The following SERAC1 variants were observed in gnomAD, a reference collection of about 807,000 sequenced individuals.
SERAC1 encodes the protein protein SERAC1.
A neutral mutation model predicts 85.7 loss-of-function variants in SERAC1; 36 were observed. The ratio of observed to expected loss-of-function variants is 0.42; its 90% CI spans 0.32 to 0.55. The LOEUF is 0.55. SERAC1 is among the 20% of genes least tolerant of loss of function. The pLI is 0.11. For synonymous variants in SERAC1, 242 were observed against 265.3 expected (o/e 0.91, Z 0.85); for missense variants, 629 against 796.2 (o/e 0.79, Z 2.53).
At chr6:158,138,166 C>T (rs902888214) in intron 8 of SERAC1, among the ~76,000 whole-genome samples, 1 of 152,060 alleles carries the variant, frequency 6.6e-6, no homozygotes, top group Non-Finnish European at 1.5e-5. Context: ...GTCACAGTGG[C>T]TCACGCCTGT....
At chr6:158,155,459 T>C in intron 2 of SERAC1, 108 bp from the exon 3 acceptor site, 1 of 628,782 alleles carries the variant, frequency 1.6e-6, no homozygotes, top group South Asian at 2.1e-5. Flanking sequence ...AGATAAGAAG[T>C]TATTATTTTT....
Position 158,119,219 on chromosome 6 carries a change from CTTTGGTAA to C in SERAC1, c.1167-57_1167-50del. On this transcript the variant is annotated intron_variant, in intron 11 of 16. Coordinates refer to ENST00000647468, the MANE Select transcript of SERAC1 (RefSeq NM_032861.4). The surrounding 1 kb of genome is among the most constrained non-coding windows in gnomAD (Gnocchi z 4.5). The stretch of plus-strand genomic sequence containing the variant: ...AAGAAGCAGAATAAATGCATTACTG[CTTTGGTAA>C]GAATCTACACAGCATTCTCTGTGGA... 6.4e-7 allele frequency: 1 copy of C among 1,557,972 alleles called. No homozygotes were observed. The highest frequency in any genetic ancestry group is 8.7e-7 in the Non-Finnish European group (1 of 1,148,362).
chr6:158,137,143 C>T (rs1784813291), intron 8 of SERAC1, among the ~76,000 whole-genome samples: 1 of 148,978 alleles, frequency 6.7e-6, no homozygotes, highest in African/African-American at 2.5e-5. Flanking sequence ...GGCAACACAG[C>T]GAGGCTGTGC....
chr6:158,114,616 G>A (rs1306884516), intron 15 of SERAC1, 173 bp downstream of exon 15: 3 of 1,305,216 alleles, frequency 2.3e-6, no homozygotes, highest in African/African-American at 3.1e-5. Flanking sequence ...AGAACAAAAT[G>A]AGAAATTATC....
In SERAC1 at chr6:158,119,286, G is replaced by C. The variant is rs1454862821; in HGVS notation, c.1167-116C>G. On this transcript the variant is annotated intron_variant, in intron 11 of 16. Transcript: ENST00000647468. The surrounding 1 kb of genome is among the most constrained non-coding windows in gnomAD (Gnocchi z 4.5). ...TAGCAGGCTTATGTGACATAAAACT[G>C]AATTAAAGCAAGCTCTATAAGCACA... 8.1e-7 allele frequency: 1 copy of C among 1,239,098 alleles called. No individual in the cohort carries two copies. 76.8% of individuals were successfully genotyped at this position (1,239,098 alleles called of 1,614,324 possible). A position where few individuals can be genotyped will look rare whatever the true frequency, so the allele number is the denominator to read the frequency against.
In SERAC1 at chr6:158,114,977, C is replaced by G. The variant is rs1422307723; in HGVS notation, c.1502-6G>C. On this transcript the variant is annotated splice_polypyrimidine_tract_variant and splice_region_variant and intron_variant, in intron 14 of 16. Coordinates refer to ENST00000647468, the MANE Select transcript of SERAC1 (RefSeq NM_032861.4). ...CATCTTTTTGACAAGAAGACCTAGC[C>G]ACAGACAAGGGAAAAAAACAATGCA... 1 of 1,603,466 alleles carries G rather than the reference C, an allele frequency of 6.2e-7. No homozygotes were observed. Among genetic ancestry groups the G allele is most frequent in the African/African-American group, 1.3e-5 (1 of 74,240 alleles).
chr6:158,153,883 C>A (rs1011782266), intron 3 of SERAC1, among the ~76,000 whole-genome samples: 12 of 152,106 alleles, frequency 7.9e-5, no homozygotes, highest in East Asian at 7.7e-4. Context: ...GTAATCCCAG[C>A]ACTTTGGAAG....
rs1188096982 is a variant in SERAC1, at chr6:158,120,697, A to C, written c.1016-122T>G. 4 of 1,090,818 alleles carry C rather than the reference A, an allele frequency of 3.7e-6. No individual in the cohort carries two copies. The highest frequency in any genetic ancestry group is 5.1e-6 in the Non-Finnish European group (4 of 779,120). The allele number at this position is 1,090,818 out of a possible 1,614,324, so 67.6% of individuals were successfully genotyped here. On this transcript the variant is annotated intron_variant, in intron 10 of 16. Transcript: ENST00000647468. This position sits in a 1 kb window ranked among gnomAD's most constrained non-coding sequence, Gnocchi z 4.4. Reference sequence around the variant, plus strand: ...AACCTTGCGTGTCTGTCCTTGGCGGAGAAGTCCGACTATTCCAACCCCATT... The same window carrying C: ...AACCTTGCGTGTCTGTCCTTGGCGGCGAAGTCCGACTATTCCAACCCCATT...
At chr6:158,165,737 G>A (rs763708129) in intron 1 of SERAC1, among the ~76,000 whole-genome samples, 3 of 152,096 alleles carry the variant, frequency 2.0e-5, no homozygotes, top group Non-Finnish European at 4.4e-5. Context: ...TTGATTCCTT[G>A]TTTTCCCCTT....
rs764436778 is a variant in SERAC1, at chr6:158,150,491, T to C, written c.227A>G (p.Tyr76Cys). 2 of 1,573,686 alleles carry C rather than the reference T, an allele frequency of 1.3e-6. No homozygotes were observed. Among genetic ancestry groups the C allele is most frequent in the East Asian group, 2.2e-5 (1 of 44,544 alleles). The change falls in exon 4 of 17, where the codon TAT becomes TGT. Residue 76 changes from tyrosine (Y) to cysteine (C), a missense_variant. Coordinates refer to ENST00000647468, the MANE Select transcript of SERAC1 (RefSeq NM_032861.4). ...VEREKMKSYI[Y>C]VHTVSLDKGE... The stretch of plus-strand genomic sequence containing the variant: ...TTTGTCTAAAGAAACTGTGTGCACA[T>C]ATATATATGACTTCATTTTTTCTCG...
At chr6:158,126,559 C>T (rs1400458711) in intron 10 of SERAC1, among the ~76,000 whole-genome samples, 7 of 152,074 alleles carry the variant, frequency 4.6e-5, no homozygotes, top group Admixed American at 4.6e-4. Context: ...AAAGTAACTG[C>T]AGAGGGTGTG....
chr6:158,126,148 G>T (rs1173203192), intron 10 of SERAC1, among the ~76,000 whole-genome samples: 1 of 152,108 alleles, frequency 6.6e-6, no homozygotes, highest in East Asian at 1.9e-4. Flanking sequence ...ATGTGTGTAT[G>T]TATTATCCAG....
intron 8 of SERAC1, among the ~76,000 whole-genome samples, chr6:158,140,375 T>C (rs772077550): frequency 7.9e-5 from 12 of 152,138 alleles, no homozygotes; most frequent in African/African-American, 2.4e-4. Flanking sequence ...ATTAAAACCA[T>C]GAAAATCTGA....
At chr6:158,151,328 T>C (rs1251173089) in intron 3 of SERAC1, among the ~76,000 whole-genome samples, 2 of 152,212 alleles carry the variant, frequency 1.3e-5, no homozygotes, top group Non-Finnish European at 2.9e-5. Context: ...GAAGGATCCC[T>C]TGAGCCCAGG....
chr6:158,138,644 A>G (rs915141655), intron 8 of SERAC1, among the ~76,000 whole-genome samples: 3 of 152,092 alleles, frequency 2.0e-5, no homozygotes, highest in African/African-American at 7.2e-5. Context: ...CAGAACACAG[A>G]GAAGTACACA....
At chr6:158,132,159 T>C (rs1784693770) in intron 8 of SERAC1, among the ~76,000 whole-genome samples, 1 of 152,134 alleles carries the variant, frequency 6.6e-6, no homozygotes, top group African/African-American at 2.4e-5. Context: ...AGAGGACAAC[T>C]ACAAGGTAAT....
In SERAC1 at chr6:158,147,658, T is replaced by C. The variant is rs973060795; in HGVS notation, c.356-745A>G. Among the ~76,000 whole-genome samples the C allele has an allele frequency of 2.7e-4, 40 of 146,852 alleles. No homozygotes were observed. In the South Asian group the frequency reaches 8.6e-3, roughly 31 times the overall value. Reference sequence around the variant, plus strand: ...GGTGGCGGGCGCCTGCAGTCCCAGCTACTCGGGAGGCTGAGGCAGGAGAAT... The same window carrying C: ...GGTGGCGGGCGCCTGCAGTCCCAGCCACTCGGGAGGCTGAGGCAGGAGAAT... On this transcript the variant is annotated intron_variant, in intron 5 of 16. Transcript: ENST00000647468.
chr6:158,116,102 A>T lies in SERAC1; in HGVS notation c.1501+83T>A. 4 of 1,123,364 alleles carry T rather than the reference A, an allele frequency of 3.6e-6. No homozygotes were observed. The South Asian group carries it at 5.1e-5, about 14-fold the overall frequency. 69.6% of individuals were successfully genotyped at this position (1,123,364 alleles called of 1,614,324 possible). ...AGGGAGCCGCTATTAAGTAAAATGG[A>T]AAGATAAAATAACTTTAGGTTGGCC... On this transcript the variant is annotated intron_variant, in intron 14 of 16. Coordinates refer to ENST00000647468, the MANE Select transcript of SERAC1 (RefSeq NM_032861.4).
At position 158,120,678 on chromosome 6, in the gene SERAC1, G is replaced by T; in HGVS notation, c.1016-103C>A. On this transcript the variant is annotated intron_variant, in intron 10 of 16. Coordinates refer to ENST00000647468, the MANE Select transcript of SERAC1 (RefSeq NM_032861.4). This position sits in a 1 kb window ranked among gnomAD's most constrained non-coding sequence, Gnocchi z 4.4. ...ATATGATGGGAGAAAGGCAAACCTTGCGTGTCTGTCCTTGGCGGAGAAGTC... is the reference window on the plus strand; with the variant it reads ...ATATGATGGGAGAAAGGCAAACCTTTCGTGTCTGTCCTTGGCGGAGAAGTC... The T allele has an allele frequency of 7.9e-7, 1 of 1,265,458 alleles. No individual in the cohort carries two copies. The highest frequency in any genetic ancestry group is 1.1e-6 in the Non-Finnish European group (1 of 925,718). The allele number at this position is 1,265,458 out of a possible 1,614,324, so 78.4% of individuals were successfully genotyped here.
Sources: gnomAD v4.1 joint callset for allele counts (sites outside exome capture counted in the v4.1 genomes callset) on GRCh38, gnomAD v4.1.1 for gene constraint, Gnocchi (gnomAD v3.1) non-coding constraint, MANE v1.5 for transcripts, NCBI Gene and HGNC (gene_info 2026-07-23, HGNC 2026-07-21) for gene names.